Variants in GABRG3 observed in about 807,000 individuals in gnomAD.
GABRG3 encodes gamma-aminobutyric acid type A receptor subunit gamma3.
In GABRG3, 25 loss-of-function variants were observed where a neutral mutation model predicts 48.8. That is an observed-to-expected ratio of 0.51 (90% CI 0.37 to 0.72). GABRG3 has a LOEUF of 0.72. GABRG3 is among the 30% of genes least tolerant of loss of function. The probability of loss-of-function intolerance (pLI) is 0.00; values close to 1 mark genes in which losing one functional copy is unlikely to be tolerated. For missense variants in GABRG3, 394 were observed against 577.9 expected (o/e 0.68, Z 3.26); for synonymous variants, 227 against 217.6 (o/e 1.04, Z -0.38).
chr15:27,265,484 A>AG (rs1890889228), intron 3 of GABRG3, among the ~76,000 whole-genome samples: 1 of 152,200 alleles, frequency 6.6e-6, no homozygotes, highest in Non-Finnish European at 1.5e-5. Flanking sequence ...CAGACAGCAA[A>AG]GGGTGGGTAC....
Position 27,011,847 on chromosome 15 carries a change from C to CA in GABRG3, c.203-14891dup, listed in dbSNP as rs10605771. 7.3e-4 allele frequency among the ~76,000 whole-genome samples: 90 copies of CA among 123,502 alleles called. 1 individual carries two copies. Among genetic ancestry groups the CA allele is most frequent in the East Asian group, 1.8e-3 (6 of 3,400 alleles). The allele number at this position is 123,502 out of a possible 152,430, so 81.0% of individuals were successfully genotyped here. ...TGGGCGACAGAGCAAGACTCCGTCT[C>CA]AAAAAAAAAAAAAAAAGATCTACAA... On this transcript the variant is annotated intron_variant, in intron 2 of 9. Transcript: ENST00000615808.
At chr15:27,287,735 G>GTTT (rs1891661967) in intron 3 of GABRG3, among the ~76,000 whole-genome samples, 4 of 135,702 alleles carry the variant, frequency 2.9e-5, no homozygotes, top group African/African-American at 1.3e-4. Context: ...GATTTGCTGT[G>GTTT]TCTTTTTTTT....
chr15:27,488,723 C>A (rs1393211753), intron 6 of GABRG3, among the ~76,000 whole-genome samples: 3 of 152,042 alleles, frequency 2.0e-5, no homozygotes, highest in African/African-American at 7.3e-5. Context: ...AAATATATCC[C>A]TTTGCAAATA....
intron 5 of GABRG3, among the ~76,000 whole-genome samples, chr15:27,356,055 A>T (rs1317175455): frequency 6.6e-6 from 1 of 152,170 alleles, no homozygotes; most frequent in Non-Finnish European, 1.5e-5. Context: ...AACCCACCAA[A>T]TTGTCTACTT....
chr15:27,357,982 A>G (rs1894896363), intron 5 of GABRG3, among the ~76,000 whole-genome samples: 1 of 152,246 alleles, frequency 6.6e-6, no homozygotes, highest in Non-Finnish European at 1.5e-5. Context: ...ATTGGTTCAC[A>G]GAGTTATGCT....
intron 3 of GABRG3, among the ~76,000 whole-genome samples, chr15:27,093,539 C>A (rs1488189281): frequency 2.6e-5 from 4 of 152,126 alleles, no homozygotes; most frequent in African/African-American, 4.8e-5. Context: ...AGTGTGCATT[C>A]TCTTGACTTC....
intron 6 of GABRG3, among the ~76,000 whole-genome samples, chr15:27,518,160 G>C (rs1051195012): frequency 2.5e-5 from 3 of 122,404 alleles, no homozygotes; most frequent in Non-Finnish European, 4.8e-5. Flanking sequence ...AGACCAGCAT[G>C]ATCAACATGT....
chr15:27,386,463 G>A lies in GABRG3; in HGVS notation c.574+57575G>A, dbSNP rs1595718906. On this transcript the variant is annotated intron_variant, in intron 5 of 9. Coordinates refer to ENST00000615808, the MANE Select transcript of GABRG3 (RefSeq NM_033223.5). The stretch of plus-strand genomic sequence containing the variant: ...TCTTACTTTCCCCACTGATATCACA[G>A]CAATGTTAGCCTCCCAAGATTGTTT... Among the ~76,000 whole-genome samples the A allele has an allele frequency of 3.9e-5, 6 of 152,102 alleles. No homozygotes were observed. In the South Asian group the frequency reaches 1.2e-3, roughly 32 times the overall value.
chr15:27,281,652 A>G (rs1487221894), intron 3 of GABRG3, among the ~76,000 whole-genome samples: 1 of 151,830 alleles, frequency 6.6e-6, no homozygotes, highest in African/African-American at 2.4e-5. Flanking sequence ...ATTTAAATAT[A>G]GAAATATTAC....
intron 5 of GABRG3, among the ~76,000 whole-genome samples, chr15:27,414,154 G>A (rs1375308456): frequency 6.6e-6 from 1 of 152,202 alleles, no homozygotes; most frequent in Non-Finnish European, 1.5e-5. Context: ...GAATAAGTAT[G>A]TGTAATATTT....
chr15:27,123,144 T>C (rs1227743938), intron 3 of GABRG3, among the ~76,000 whole-genome samples: 2 of 152,242 alleles, frequency 1.3e-5, no homozygotes, highest in Admixed American at 1.3e-4. Flanking sequence ...TCAGTGAAAC[T>C]TTAATTGAAG....
chr15:27,286,001 G>T (rs1425823474), intron 3 of GABRG3, among the ~76,000 whole-genome samples: 1 of 152,178 alleles, frequency 6.6e-6, no homozygotes, highest in African/African-American at 2.4e-5. Flanking sequence ...GAATTAATTA[G>T]GTTGGGATCT....
chr15:27,380,369 C>T (rs1406143940), intron 5 of GABRG3, among the ~76,000 whole-genome samples: 8 of 150,162 alleles, frequency 5.3e-5, no homozygotes, highest in Non-Finnish European at 1.2e-4. Context: ...AACATCTCTG[C>T]TTTATCTGAG....
chr15:27,240,359 T>C (rs1180366279), intron 3 of GABRG3, among the ~76,000 whole-genome samples: 1 of 152,060 alleles, frequency 6.6e-6, no homozygotes, highest in Non-Finnish European at 1.5e-5. Context: ...AGAAGACCAG[T>C]TAGAGAAGGT....
At chr15:27,215,240 G>A (rs1435114856) in intron 3 of GABRG3, among the ~76,000 whole-genome samples, 1 of 152,188 alleles carries the variant, frequency 6.6e-6, no homozygotes, top group African/African-American at 2.4e-5. Flanking sequence ...CTCTTGGCAG[G>A]GTGATGAGGG....
At chr15:27,359,414 CA>C (rs1489896646) in intron 5 of GABRG3, among the ~76,000 whole-genome samples, 2 of 152,166 alleles carry the variant, frequency 1.3e-5, no homozygotes, top group East Asian at 3.8e-4. Context: ...GTATTTTCCA[CA>C]ATGGTCTGTG....
rs1474835356 is a variant in GABRG3, at chr15:27,536,332, G to C, written c.*3451G>C. On this transcript the variant is annotated 3_prime_UTR_variant, in exon 10 of 10. Coordinates refer to ENST00000615808, the MANE Select transcript of GABRG3 (RefSeq NM_033223.5). The stretch of plus-strand genomic sequence containing the variant: ...GGACAAAGTTAGTATAATTTACTCT[G>C]GACCCAGCCAATACTGCCCCCAATT... 6.6e-6 allele frequency: 1 copy of C among 152,150 alleles called. No individual in the cohort carries two copies. 9.4% of individuals were successfully genotyped at this position (152,150 alleles called of 1,614,324 possible). A position where few individuals can be genotyped will look rare whatever the true frequency, so the allele number is the denominator to read the frequency against.
At chr15:27,263,891 A>G (rs1055915208) in intron 3 of GABRG3, among the ~76,000 whole-genome samples, 2 of 150,960 alleles carry the variant, frequency 1.3e-5, no homozygotes, top group African/African-American at 2.4e-5. Context: ...GCGCCACTGC[A>G]CTCCAGCCTG....
In GABRG3 at chr15:26,974,612, C is replaced by T. The variant is rs1366277072; in HGVS notation, c.54-2390C>T. ...AGGGAGGAAGGCACCTGGGCTGAGT[C>T]GCCAAGTGTCCTGAGCATGTTGTGC... On this transcript the variant is annotated intron_variant, in intron 1 of 9. Transcript: ENST00000615808. This position sits in a 1 kb window ranked among gnomAD's most constrained non-coding sequence, Gnocchi z 4.3. Among the ~76,000 whole-genome samples, 3 of 151,750 alleles carry T rather than the reference C, an allele frequency of 2.0e-5. No individual in the cohort carries two copies. The highest frequency in any genetic ancestry group is 4.4e-5 in the Non-Finnish European group (3 of 67,944).
Sources: gnomAD v4.1 joint callset for allele counts (sites outside exome capture counted in the v4.1 genomes callset) on GRCh38, gnomAD v4.1.1 for gene constraint, Gnocchi (gnomAD v3.1) non-coding constraint, MANE v1.5 for transcripts, NCBI Gene and HGNC (gene_info 2026-07-23, HGNC 2026-07-21) for gene names.